The following PCDHA3 variants were observed in gnomAD, a reference collection of about 807,000 sequenced individuals.
The protein encoded by PCDHA3 is protocadherin alpha 3, also known as protocadherin alpha-3.
PCDHA3 carries 41 observed loss-of-function variants against 62.2 expected under a neutral mutation model. The ratio of observed to expected loss-of-function variants is 0.66; its 90% CI spans 0.51 to 0.86. The LOEUF is 0.86. Among genes scored for constraint, PCDHA3 ranks in the 40% least tolerant of loss-of-function variants. The pLI, the probability that PCDHA3 is intolerant of heterozygous loss-of-function variation, is 0.00. For synonymous variants in PCDHA3, 640 were observed against 555.4 expected (o/e 1.15, Z -2.14); for missense variants, 1,304 against 1,241.2 (o/e 1.05, Z -0.76).
At chr5:140,927,306 G>A (rs782091835) in intron 1 of PCDHA3, 1 of 1,614,158 alleles carries the variant, frequency 6.2e-7, no homozygotes, top group Admixed American at 1.7e-5. Flanking sequence ...AGTTCCTGAC[G>A]CCCGGAGCCC....
At chr5:140,879,512 G>C (rs1378276808) in intron 1 of PCDHA3, among the ~76,000 whole-genome samples, 1 of 152,156 alleles carries the variant, frequency 6.6e-6, no homozygotes, top group Non-Finnish European at 1.5e-5. Flanking sequence ...AGAGATTATT[G>C]ATATAGATTT....
At chr5:140,822,189 A>G in intron 1 of PCDHA3, 1 of 1,614,246 alleles carries the variant, frequency 6.2e-7, no homozygotes, top group Non-Finnish European at 8.5e-7. Flanking sequence ...AAGAACAAAG[A>G]TTATTCATTT....
chr5:140,921,030 G>C (rs1266143728), intron 1 of PCDHA3, among the ~76,000 whole-genome samples: 2 of 151,532 alleles, frequency 1.3e-5, no homozygotes, highest in Admixed American at 6.6e-5. Context: ...TCTAGACTGG[G>C]GTGCAGTGGG....
At chr5:140,882,960 C>G in intron 1 of PCDHA3, 11 of 1,614,166 alleles carry the variant, frequency 6.8e-6, no homozygotes, top group Non-Finnish European at 5.9e-6. Flanking sequence ...CTGCTCATCA[C>G]GATTCTGGAC....
intron 1 of PCDHA3, chr5:140,848,435 A>G: frequency 6.8e-7 from 1 of 1,473,142 alleles, no homozygotes; most frequent in Non-Finnish European, 9.3e-7. Flanking sequence ...TGACGAAATC[A>G]GATGATTTCT....
Position 140,882,982 on chromosome 5 carries a change from C to T in PCDHA3, c.2394+79391C>T, listed in dbSNP as rs139888237. 2.9e-5 allele frequency: 47 copies of T among 1,614,148 alleles called. No individual in the cohort carries two copies. The East Asian group carries it at 3.6e-4, about 12-fold the overall frequency. On this transcript the variant is annotated intron_variant, in intron 1 of 3. Coordinates refer to ENST00000522353, the MANE Select transcript of PCDHA3 (RefSeq NM_018906.3). The stretch of plus-strand genomic sequence containing the variant: ...TCACGATTCTGGACGTGAATGACAA[C>T]GCCCCGGAATTTTACCAATCCGTTT...
chr5:140,891,468 T>C (rs1459925727), intron 1 of PCDHA3, among the ~76,000 whole-genome samples: 1 of 151,582 alleles, frequency 6.6e-6, no homozygotes, highest in Non-Finnish European at 1.5e-5. Context: ...TGTGAATTAA[T>C]GCCTTTACAT....
At chr5:140,984,788 T>C (rs2097121100) in intron 3 of PCDHA3, among the ~76,000 whole-genome samples, 1 of 152,292 alleles carries the variant, frequency 6.6e-6, no homozygotes, top group Non-Finnish European at 1.5e-5. Context: ...TGGGTGAGCA[T>C]AGACAAACTG....
At chr5:140,952,529 G>A (rs1404753711) in intron 1 of PCDHA3, among the ~76,000 whole-genome samples, 1 of 152,084 alleles carries the variant, frequency 6.6e-6, no homozygotes, top group East Asian at 1.9e-4. Context: ...GACCTCCTCA[G>A]ACTGGACTTC....
chr5:140,919,957 G>GC (rs2079372992), intron 1 of PCDHA3, among the ~76,000 whole-genome samples: 1 of 148,640 alleles, frequency 6.7e-6, no homozygotes, highest in Non-Finnish European at 1.5e-5. Flanking sequence ...AGTTTGTTTT[G>GC]TTTTTTAAAT....
rs781845787 is a variant in PCDHA3, at chr5:140,884,003, G to C, written c.2394+80412G>C. 7.4e-6 allele frequency: 12 copies of C among 1,613,086 alleles called. No homozygotes were observed. In the South Asian group the frequency reaches 1.3e-4, roughly 18 times the overall value. ...TGGCAGCGCGGGAGGCACAGTGAGC[G>C]AGCTGATGCCGCGGTCGGTGGGTGC... On this transcript the variant is annotated intron_variant, in intron 1 of 3. Transcript: ENST00000522353.
chr5:140,836,700 A>G (rs1488520906), intron 1 of PCDHA3: 1 of 1,613,320 alleles, frequency 6.2e-7, no homozygotes, highest in African/African-American at 1.3e-5. Context: ...CATGGCCTTC[A>G]GTCCCAGCCT....
chr5:140,966,740 C>CGGCT (rs2096047340), intron 1 of PCDHA3: 1 of 1,422,580 alleles, frequency 7.0e-7, no homozygotes, highest in African/African-American at 1.5e-5. Flanking sequence ...CGGCCCTGCC[C>CGGCT]GGCTGCCTCC....
chr5:140,853,332 G>A (rs2042712938), intron 1 of PCDHA3: 2 of 984,708 alleles, frequency 2.0e-6, no homozygotes, highest in African/African-American at 3.5e-5. Flanking sequence ...TATCTTTTGA[G>A]GTCATTAGCA....
chr5:140,853,354 A>G (rs1391288948), intron 1 of PCDHA3: 1 of 982,096 alleles, frequency 1.0e-6, no homozygotes, highest in African/African-American at 1.8e-5. Flanking sequence ...ACATGAACTC[A>G]CAGGGATCCA....
rs965761415 is a variant in PCDHA3, at chr5:140,845,214, T to C, written c.2394+41623T>C. 9.4e-5 allele frequency among the ~76,000 whole-genome samples: 14 copies of C among 149,518 alleles called. 1 individual carries two copies. The highest frequency in any genetic ancestry group is 1.3e-4 in the Non-Finnish European group (9 of 66,830). On this transcript the variant is annotated intron_variant, in intron 1 of 3. Coordinates refer to ENST00000522353, the MANE Select transcript of PCDHA3 (RefSeq NM_018906.3). ...ATGATTGTTTTCATTTAAGTCCTTT[T>C]AAAAAATATGATTATCTTTATTATC... is the stretch of plus-strand genomic sequence containing the variant.
At chr5:140,845,678 G>T (rs1374984475) in intron 1 of PCDHA3, among the ~76,000 whole-genome samples, 3 of 149,382 alleles carry the variant, frequency 2.0e-5, no homozygotes, top group Non-Finnish European at 4.5e-5. Flanking sequence ...CATTGGTAAA[G>T]GATTTGTTAT....
chr5:140,971,165 G>C (rs1390176241), intron 1 of PCDHA3, among the ~76,000 whole-genome samples: 1 of 152,136 alleles, frequency 6.6e-6, no homozygotes, highest in Non-Finnish European at 1.5e-5. Context: ...GCTCAGCTTT[G>C]CCACCAGCTG....
At chr5:140,826,005 A>T (rs1231203502) in intron 1 of PCDHA3, among the ~76,000 whole-genome samples, 1 of 152,152 alleles carries the variant, frequency 6.6e-6, no homozygotes, top group African/African-American at 2.4e-5. Context: ...AATAGTCCAC[A>T]CTTTACATGA....
Sources: gnomAD v4.1 joint callset for allele counts (sites outside exome capture counted in the v4.1 genomes callset) on GRCh38, gnomAD v4.1.1 for gene constraint, MANE v1.5 for transcripts, NCBI Gene and HGNC (gene_info 2026-07-23, HGNC 2026-07-21) for gene names.